ATR: variants seen among roughly 807,000 people sequenced by gnomAD.
ATR encodes ATR checkpoint kinase.
A neutral mutation model predicts 305.3 loss-of-function variants in ATR; 142 were observed. That is an observed-to-expected ratio of 0.47 (90% CI 0.41 to 0.53). ATR has a LOEUF of 0.53. Ranked by LOEUF, ATR falls within the 20% of genes least tolerant of loss-of-function variation. ATR has a pLI of 0.00. For synonymous variants in ATR, 1,050 were observed against 1,068.1 expected (o/e 0.98, Z 0.33); for missense variants, 2,135 against 3,133.1 (o/e 0.68, Z 7.60).
At chr3:142,531,509 C>G (rs113559533) in intron 21 of ATR, among the ~76,000 whole-genome samples, 10,478 of 151,808 alleles carry the variant, frequency 0.069, 889 homozygotes, top group African/African-American at 0.2. Flanking sequence ...TGCGGTGTTT[C>G]GTTTTTTGTC....
At position 142,469,580 on chromosome 3, in the gene ATR, A is replaced by C; in HGVS notation, c.6320-11T>G. ...GATCGGAGCGGCCAGCTGGGGGAAG[A>C]AATAAGTTTAAAAAACAATAAAGGA... is the stretch of plus-strand genomic sequence containing the variant. On this transcript the variant is annotated splice_polypyrimidine_tract_variant and intron_variant, in intron 37 of 46. Transcript: ENST00000350721. 6.3e-7 allele frequency: 1 copy of C among 1,592,156 alleles called. No individual in the cohort carries two copies. The highest frequency in any genetic ancestry group is 8.6e-7 in the Non-Finnish European group (1 of 1,160,386).
chr3:142,466,550 T>A lies in ATR; in HGVS notation c.6688-17A>T, dbSNP rs1324333616. On this transcript the variant is annotated splice_polypyrimidine_tract_variant and intron_variant, in intron 39 of 46. Transcript: ENST00000350721. ...TCCATCAACCTGAAAAAATAAATAG[T>A]GCATTTTAATTTGTTTTTACCTTAA... 9.4e-6 allele frequency: 15 copies of A among 1,600,190 alleles called. No individual in the cohort carries two copies. The highest frequency in any genetic ancestry group is 1.3e-5 in the Non-Finnish European group (15 of 1,169,878).
intron 23 of ATR, among the ~76,000 whole-genome samples, chr3:142,522,110 TC>T (rs1466667607): frequency 6.6e-6 from 1 of 152,190 alleles, no homozygotes; most frequent in East Asian, 1.9e-4. Context: ...ATCAGCATCA[TC>T]AACATTGAGG....
chr3:142,561,835 G>T (rs561546846), intron 4 of ATR, among the ~76,000 whole-genome samples: 1 of 152,112 alleles, frequency 6.6e-6, no homozygotes, highest in African/African-American at 2.4e-5. Flanking sequence ...AGAAAAAAGC[G>T]CATAATTTGG....
chr3:142,568,206 G>A, intron 1 of ATR, 52 bp from the exon 2 acceptor site: 1 of 1,463,598 alleles, frequency 6.8e-7, no homozygotes. Flanking sequence ...AGTTTCATTT[G>A]CAAAAAAAAT....
At chr3:142,479,052 C>T (rs550773559) in intron 36 of ATR, among the ~76,000 whole-genome samples, 1 of 152,256 alleles carries the variant, frequency 6.6e-6, no homozygotes, top group African/African-American at 2.4e-5. Context: ...ATTTGCCAGT[C>T]TGTGTCTTTT....
rs2108340672 is a variant in ATR at position 142,498,617 on chromosome 3, T to C, written c.5538A>G (p.Arg1846=). The C allele has an allele frequency of 1.2e-6, 2 of 1,613,808 alleles. No individual in the cohort carries two copies. Among genetic ancestry groups the C allele is most frequent in the Non-Finnish European group, 1.7e-6 (2 of 1,179,960 alleles). ...AASFERGSYQ[R]GYEYIVRLHM... is the part of the protein sequence containing the mutation. ...AATACCTCACAATATATTCATATCC[T>C]CGTTGGTAGGAGCCTCTTTCAAAGC... The change falls in exon 32 of 47, where the codon CGA becomes CGG. Residue 1846 remains arginine, a synonymous_variant. Coordinates refer to ENST00000350721, the MANE Select transcript of ATR (RefSeq NM_001184.4).
At chr3:142,455,837 C>G (rs2070893657) in intron 45 of ATR, among the ~76,000 whole-genome samples, 1 of 152,168 alleles carries the variant, frequency 6.6e-6, no homozygotes, top group African/African-American at 2.4e-5. Context: ...GGAATAGTTT[C>G]TTAGATATGA....
intron 21 of ATR, among the ~76,000 whole-genome samples, chr3:142,524,980 T>G (rs760650279): frequency 1.4e-4 from 21 of 152,216 alleles, no homozygotes; most frequent in Non-Finnish European, 2.2e-4. Context: ...AACTCCATGT[T>G]AGAACTGTAA....
chr3:142,450,397 C>T lies in ATR; in HGVS notation c.7762-795G>A, dbSNP rs112748363. The T allele has an allele frequency of 4.0e-3, 6,225 of 1,556,472 alleles. 16 individuals carry two copies. The highest frequency in any genetic ancestry group is 4.6e-3 in the Non-Finnish European group (5,185 of 1,135,964). On this transcript the variant is annotated intron_variant, in intron 46 of 46. Transcript: ENST00000350721. ...TTGCCAGACCTTTATCAAAATGGGGCTGCTGTCTTCTTTCACTTGTGACAA... is the reference window on the plus strand; with the variant it reads ...TTGCCAGACCTTTATCAAAATGGGGTTGCTGTCTTCTTTCACTTGTGACAA...
At chr3:142,511,327 T>C (rs755581990) in intron 27 of ATR, among the ~76,000 whole-genome samples, 1 of 152,192 alleles carries the variant, frequency 6.6e-6, no homozygotes, top group Non-Finnish European at 1.5e-5. Flanking sequence ...TCATCTCATT[T>C]ATTCCTCACA....
At chr3:142,484,552 A>G (rs2030783909) in intron 36 of ATR, among the ~76,000 whole-genome samples, 1 of 152,106 alleles carries the variant, frequency 6.6e-6, no homozygotes. Context: ...CATCCTTTAA[A>G]ATATCTTTCT....
chr3:142,572,101 G>T (rs55764539), intron 1 of ATR, among the ~76,000 whole-genome samples: 2,716 of 148,348 alleles, frequency 0.018, 29 homozygotes, highest in South Asian at 0.042. Flanking sequence ...ACGGAGTCTC[G>T]CTCTGTCGCC....
intron 45 of ATR, among the ~76,000 whole-genome samples, chr3:142,455,576 G>A (rs2070888153): frequency 6.6e-6 from 1 of 152,100 alleles, no homozygotes; most frequent in African/African-American, 2.4e-5. Flanking sequence ...TAGATCAACA[G>A]AATATTGCTG....
intron 16 of ATR, among the ~76,000 whole-genome samples, chr3:142,546,990 C>G (rs188233454): frequency 6.6e-6 from 1 of 152,274 alleles, no homozygotes; most frequent in Admixed American, 6.5e-5. Context: ...TCCTACTGCT[C>G]AAGGTCATCA....
chr3:142,450,152 A>G, intron 46 of ATR: 1 of 372,122 alleles, frequency 2.7e-6, no homozygotes, highest in Admixed American at 3.6e-5. Flanking sequence ...CACGGGGTGG[A>G]GACTGTTGCT....
chr3:142,470,776 C>T (rs2071242830), intron 36 of ATR, among the ~76,000 whole-genome samples: 1 of 152,146 alleles, frequency 6.6e-6, no homozygotes, highest in East Asian at 1.9e-4. Flanking sequence ...CACCAGTATA[C>T]ATCTTCCATC....
intron 46 of ATR, chr3:142,450,240 TA>T: frequency 1.6e-6 from 1 of 643,826 alleles, no homozygotes; most frequent in Admixed American, 2.3e-5. Flanking sequence ...CTCCAGGTAT[TA>T]AAATAACCCC....
chr3:142,476,538 G>T (rs1577528958), intron 36 of ATR, among the ~76,000 whole-genome samples: 1 of 151,430 alleles, frequency 6.6e-6, no homozygotes, highest in African/African-American at 2.4e-5. Context: ...GATGCCTCCA[G>T]CTTTGTTCTT....
Sources: gnomAD v4.1 joint callset for allele counts (sites outside exome capture counted in the v4.1 genomes callset) on GRCh38, gnomAD v4.1.1 for gene constraint, MANE v1.5 for transcripts, NCBI Gene and HGNC (gene_info 2026-07-23, HGNC 2026-07-21) for gene names.